Variants in CENPP observed in about 807,000 individuals in gnomAD.
CENPP encodes the protein centromere protein P.
In CENPP, 24 loss-of-function variants were observed where a neutral mutation model predicts 35.6. The observed-to-expected ratio is 0.67, with a 90% CI of 0.49 to 0.95. The LOEUF is 0.95. Ranked by LOEUF, CENPP falls within the 40% of genes least tolerant of loss-of-function variation. The pLI, the probability that CENPP is intolerant of heterozygous loss-of-function variation, is 0.00. For synonymous variants in CENPP, 120 were observed against 125.5 expected, an observed-to-expected ratio of 0.96 and a Z score of 0.29; for missense variants, 332 against 345.3, an observed-to-expected ratio of 0.96 and a Z score of 0.31.
rs181209694 is a variant in CENPP, at chr9:92,360,727, G to A, written c.467+14940G>A. On this transcript the variant is annotated intron_variant, in intron 4 of 7. Coordinates refer to ENST00000375587, the MANE Select transcript of CENPP (RefSeq NM_001012267.3). ...TTTATTTATTATTATTATTTTTTGA[G>A]ATGGAGTCTTGCTGTCGCCCAGGCT... 2.2e-3 allele frequency among the ~76,000 whole-genome samples: 326 copies of A among 151,536 alleles called. 1 individual carries two copies. The highest frequency in any genetic ancestry group is 7.2e-3 in the African/African-American group (298 of 41,352).
chr9:92,562,933 T>C (rs1357263309), intron 5 of CENPP, among the ~76,000 whole-genome samples: 1 of 152,212 alleles, frequency 6.6e-6, no homozygotes, highest in Non-Finnish European at 1.5e-5. Flanking sequence ...TTTTTCCCCA[T>C]TACTGGAAGA....
At chr9:92,473,834 T>A (rs1845613115) in intron 5 of CENPP, among the ~76,000 whole-genome samples, 1 of 152,272 alleles carries the variant, frequency 6.6e-6, no homozygotes, top group South Asian at 2.1e-4. Flanking sequence ...CCATGAATGC[T>A]ATGGCAGTAG....
At chr9:92,371,714 A>G (rs1275115554) in intron 4 of CENPP, among the ~76,000 whole-genome samples, 1 of 151,998 alleles carries the variant, frequency 6.6e-6, no homozygotes, top group Non-Finnish European at 1.5e-5. Flanking sequence ...GTCCCCCATT[A>G]TTATTGTATT....
intron 4 of CENPP, among the ~76,000 whole-genome samples, chr9:92,366,770 G>A (rs1841898032): frequency 1.3e-5 from 2 of 152,114 alleles, no homozygotes; most frequent in African/African-American, 4.8e-5. Context: ...AAACATCTGA[G>A]GCTGTTTTGA....
chr9:92,475,685 C>T (rs552161042), intron 5 of CENPP, among the ~76,000 whole-genome samples: 1 of 152,336 alleles, frequency 6.6e-6, no homozygotes, highest in Admixed American at 6.5e-5. Context: ...ACTGATTTCT[C>T]TCCACCTTTC....
At chr9:92,491,574 T>G (rs943241629) in intron 5 of CENPP, among the ~76,000 whole-genome samples, 2 of 152,148 alleles carry the variant, frequency 1.3e-5, no homozygotes, top group Non-Finnish European at 2.9e-5. Context: ...TGTCCTCTCC[T>G]TGTCTTGCCT....
At chr9:92,521,653 T>C (rs1848077619) in intron 5 of CENPP, among the ~76,000 whole-genome samples, 2 of 152,214 alleles carry the variant, frequency 1.3e-5, no homozygotes. Context: ...ATGTAAACCA[T>C]TTAATACGTT....
At chr9:92,533,325 AAAAATATATATAT>A (rs1563991392) in intron 5 of CENPP, among the ~76,000 whole-genome samples, 1 of 93,132 alleles carries the variant, frequency 1.1e-5, no homozygotes, top group Non-Finnish European at 2.1e-5. Flanking sequence ...AAAAAAAAAA[AAAAATATATATAT>A]ATATATATAT....
chr9:92,390,129 G>T, intron 5 of CENPP: 1 of 839,138 alleles, frequency 1.2e-6, no homozygotes, highest in Non-Finnish European at 1.9e-6. Context: ...AAAAGCATTT[G>T]TTTAACAGAT....
chr9:92,365,891 C>G (rs1258240941), intron 4 of CENPP, among the ~76,000 whole-genome samples: 1 of 151,242 alleles, frequency 6.6e-6, no homozygotes, highest in Non-Finnish European at 1.5e-5. Flanking sequence ...ATAATTATTT[C>G]CAGGGTTCGC....
chr9:92,331,347 AT>A (rs1041484944), intron 1 of CENPP, among the ~76,000 whole-genome samples: 1 of 151,772 alleles, frequency 6.6e-6, no homozygotes, highest in East Asian at 2.0e-4. Flanking sequence ...CGCCTGGCAA[AT>A]TTTTTGTATA....
At chr9:92,387,135 G>A (rs1842463763) in intron 5 of CENPP, among the ~76,000 whole-genome samples, 1 of 151,690 alleles carries the variant, frequency 6.6e-6, no homozygotes, top group Non-Finnish European at 1.5e-5. Flanking sequence ...TACTTTGAGA[G>A]GTCAATGTGG....
At position 92,355,884 on chromosome 9, in the gene CENPP, G is replaced by A. The variant is rs1045046005; in HGVS notation, c.467+10097G>A. On this transcript the variant is annotated intron_variant, in intron 4 of 7. Coordinates refer to ENST00000375587, the MANE Select transcript of CENPP (RefSeq NM_001012267.3). ...ACTGAAACTATTTCAATTCTTGTAG[G>A]GGTAGAATAGACACTTTAAAGGAAT... is the stretch of plus-strand genomic sequence containing the variant. Among the ~76,000 whole-genome samples, 7 of 152,130 alleles carry A rather than the reference G, an allele frequency of 4.6e-5. No homozygotes were observed. The East Asian group carries it at 1.3e-3, about 29-fold the overall frequency.
At chr9:92,422,100 G>A (rs1207673204) in intron 5 of CENPP, among the ~76,000 whole-genome samples, 1 of 151,546 alleles carries the variant, frequency 6.6e-6, no homozygotes, top group Non-Finnish European at 1.5e-5. Flanking sequence ...ACCCAGGCTG[G>A]AGTGCAGTGG....
chr9:92,331,305 C>G (rs945916348), intron 1 of CENPP, among the ~76,000 whole-genome samples: 1 of 152,078 alleles, frequency 6.6e-6, no homozygotes, highest in African/African-American at 2.4e-5. Flanking sequence ...CTCAGCCTCC[C>G]GAGTAGCTGG....
At position 92,615,780 on chromosome 9, in the gene CENPP, T is replaced by C; in HGVS notation, c.*2631T>C. ...CCCAACACAACAGAAAATATCTCTA[T>C]CATTCAGCCTTCACATTATGTTCAA... On this transcript the variant is annotated 3_prime_UTR_variant, in exon 8 of 8. Transcript: ENST00000375587. 7.1e-7 allele frequency: 1 copy of C among 1,400,228 alleles called. No homozygotes were observed. Among genetic ancestry groups the C allele is most frequent in the South Asian group, 1.2e-5 (1 of 85,174 alleles). The allele number at this position is 1,400,228 out of a possible 1,614,324, so 86.7% of individuals were successfully genotyped here. A position where few individuals can be genotyped will look rare whatever the true frequency, so the allele number is the denominator to read the frequency against.
intron 4 of CENPP, among the ~76,000 whole-genome samples, chr9:92,353,812 A>G (rs147746906): frequency 1.3e-5 from 2 of 152,266 alleles, no homozygotes; most frequent in East Asian, 3.9e-4. Flanking sequence ...TGCCACTTCA[A>G]CTTCCACCCC....
chr9:92,611,040 A>G (rs1018553494), intron 5 of CENPP: 1 of 515,122 alleles, frequency 1.9e-6, no homozygotes, highest in Non-Finnish European at 3.5e-6. Flanking sequence ...GTGTGGGGAA[A>G]CCTGTGAAAT....
At position 92,613,289 on chromosome 9, in the gene CENPP, G is replaced by A. The variant is rs754492049; in HGVS notation, c.*140G>A. Reference sequence around the variant, plus strand: ...CTATGCAGTTATGGCACATTATATGGAAACTCTCATGACATGAAAAATAAA... The same window carrying A: ...CTATGCAGTTATGGCACATTATATGAAAACTCTCATGACATGAAAAATAAA... On this transcript the variant is annotated 3_prime_UTR_variant, in exon 8 of 8. Transcript: ENST00000375587. The A allele has an allele frequency of 2.2e-6, 2 of 894,914 alleles. No homozygotes were observed. The highest frequency in any genetic ancestry group is 3.4e-6 in the Non-Finnish European group (2 of 583,658). The allele number at this position is 894,914 out of a possible 1,614,324, so 55.4% of individuals were successfully genotyped here. A position where few individuals can be genotyped will look rare whatever the true frequency, so the allele number is the denominator to read the frequency against.
Sources: allele counts gnomAD v4.1 joint callset (sites outside exome capture counted in the v4.1 genomes callset), GRCh38; gene constraint gnomAD v4.1.1; transcripts MANE v1.5; gene names NCBI Gene and HGNC (gene_info 2026-07-23, HGNC 2026-07-21).